The following AFF4 variants were observed in gnomAD, a reference collection of about 807,000 sequenced individuals.
AFF4 encodes the protein ALF transcription elongation factor 4.
In AFF4, 13 loss-of-function variants were observed where a neutral mutation model predicts 124.8. The observed-to-expected ratio is 0.10, with a 90% CI of 0.07 to 0.17. AFF4 has a LOEUF of 0.17. AFF4 is among the 10% of genes least tolerant of loss of function. The pLI is 1.00. For synonymous variants in AFF4, 477 were observed against 496.1 expected (o/e 0.96, Z 0.51); for missense variants, 1,092 against 1,403.8 (o/e 0.78, Z 3.55).
At chr5:132,936,926 C>G in intron 2 of AFF4, 141 bp downstream of exon 2, 1 of 1,130,920 alleles carries the variant, frequency 8.8e-7, no homozygotes, top group African/African-American at 1.6e-5. Flanking sequence ...CAAAAAATAT[C>G]TTCTATGTAA....
intron 1 of AFF4, among the ~76,000 whole-genome samples, chr5:132,944,262 A>G (rs978860772): frequency 1.3e-5 from 2 of 151,902 alleles, no homozygotes; most frequent in African/African-American, 4.8e-5. Flanking sequence ...GCGTGAACCC[A>G]GGAGGCGGAG....
chr5:132,938,814 G>A (rs1164946945), intron 1 of AFF4, among the ~76,000 whole-genome samples: 1 of 151,268 alleles, frequency 6.6e-6, no homozygotes, highest in Non-Finnish European at 1.5e-5. Flanking sequence ...GCAGTGGCAG[G>A]CGCCTGTAGT....
intron 13 of AFF4, among the ~76,000 whole-genome samples, chr5:132,889,970 T>A (rs1018623381): frequency 1.3e-5 from 2 of 152,104 alleles, no homozygotes; most frequent in Non-Finnish European, 2.9e-5. Context: ...TATAGCCCTT[T>A]ATGAAAGAGC....
At chr5:132,920,175 G>A (rs1761010292) in intron 5 of AFF4, among the ~76,000 whole-genome samples, 1 of 151,424 alleles carries the variant, frequency 6.6e-6, no homozygotes, top group African/African-American at 2.4e-5. Context: ...TCAGTCTCCC[G>A]AGTAGCTGGG....
At position 132,878,278 on chromosome 5, in the gene AFF4, A is replaced by T. The variant is rs531224152; in HGVS notation, c.*2781T>A. 67 of 230,122 alleles carry T rather than the reference A, an allele frequency of 2.9e-4. No homozygotes were observed. The highest frequency in any genetic ancestry group is 1.9e-3 in the Admixed American group (33 of 17,714). The allele number at this position is 230,122 out of a possible 1,614,324, so 14.3% of individuals were successfully genotyped here. A position where few individuals can be genotyped will look rare whatever the true frequency, so the allele number is the denominator to read the frequency against. ...GCAATTGGTTCGTTGGTTGCTTGTAAAGAGTCTAATGGTGTATAGGCTGCT... is the reference window on the plus strand; with the variant it reads ...GCAATTGGTTCGTTGGTTGCTTGTATAGAGTCTAATGGTGTATAGGCTGCT... On this transcript the variant is annotated 3_prime_UTR_variant, in exon 21 of 21. Coordinates refer to ENST00000265343, the MANE Select transcript of AFF4 (RefSeq NM_014423.4).
intron 15 of AFF4, 33 bp from the exon 16 acceptor site, chr5:132,888,015 G>A (rs1561480210): frequency 4.3e-6 from 7 of 1,611,488 alleles, no homozygotes; most frequent in Non-Finnish European, 5.9e-6. Context: ...AATGAGTAAT[G>A]ATCTACTATG....
At chr5:132,910,068 AC>A (rs1760758218) in intron 5 of AFF4, among the ~76,000 whole-genome samples, 1 of 152,244 alleles carries the variant, frequency 6.6e-6, no homozygotes, top group South Asian at 2.1e-4. Context: ...GATTTCTACA[AC>A]CAAATGTTTG....
In AFF4 at chr5:132,887,532, G is replaced by A. The variant is rs1255544309; in HGVS notation, c.2994C>T (p.Leu998=). Residue 998 remains leucine, a synonymous_variant, in exon 17 of 21, where the codon CTC becomes CTT. Coordinates refer to ENST00000265343, the MANE Select transcript of AFF4 (RefSeq NM_014423.4). ...APDATAADKR[L]TVLCLRCESL... ...CACAGAAAACTCACCAAAGTACTGT[G>A]AGTCGTTTATCTGCAGCTGTAGCAT... is the stretch of plus-strand genomic sequence containing the variant. The A allele has an allele frequency of 6.2e-7, 1 of 1,613,710 alleles. No individual in the cohort carries two copies. The highest frequency in any genetic ancestry group is 8.5e-7 in the Non-Finnish European group (1 of 1,179,774).
intron 5 of AFF4, among the ~76,000 whole-genome samples, chr5:132,917,325 C>T (rs1045023204): frequency 6.6e-6 from 1 of 152,142 alleles, no homozygotes; most frequent in Non-Finnish European, 1.5e-5. Flanking sequence ...AAATTCATTC[C>T]TAATGAGAAC....
chr5:132,923,995 C>T (rs1249542128), intron 5 of AFF4, among the ~76,000 whole-genome samples: 1 of 152,190 alleles, frequency 6.6e-6, no homozygotes, highest in East Asian at 1.9e-4. Flanking sequence ...GTGGCTCACG[C>T]CTGTGATCCC....
At chr5:132,960,995 G>C (rs1388053068) in intron 1 of AFF4, among the ~76,000 whole-genome samples, 1 of 152,078 alleles carries the variant, frequency 6.6e-6, no homozygotes. Flanking sequence ...AGGCCGAGGC[G>C]TGTGGATCAC....
At chr5:132,899,735 C>A in intron 7 of AFF4, 94 bp from the exon 8 acceptor site, 2 of 1,091,078 alleles carry the variant, frequency 1.8e-6, no homozygotes, top group Non-Finnish European at 2.6e-6. Flanking sequence ...GAAATAATCA[C>A]TGTGGTAGCC....
At chr5:132,912,860 C>T (rs1760825508) in intron 5 of AFF4, among the ~76,000 whole-genome samples, 1 of 148,868 alleles carries the variant, frequency 6.7e-6, no homozygotes, top group African/African-American at 2.4e-5. Flanking sequence ...ACACAACACA[C>T]ACACACACAC....
At chr5:132,906,715 A>G (rs542929912) in intron 5 of AFF4, among the ~76,000 whole-genome samples, 1 of 152,328 alleles carries the variant, frequency 6.6e-6, no homozygotes, top group Non-Finnish European at 1.5e-5. Context: ...TAGGTGAATT[A>G]CATGGTAAGT....
At chr5:132,915,421 C>A (rs1180082600) in intron 5 of AFF4, among the ~76,000 whole-genome samples, 15 of 152,006 alleles carry the variant, frequency 9.9e-5, no homozygotes, top group Admixed American at 9.2e-4. Flanking sequence ...ATTTCCCAAT[C>A]CATTCTATAA....
intron 7 of AFF4, 78 bp from the exon 8 acceptor site, chr5:132,899,719 AT>A: frequency 7.6e-7 from 1 of 1,315,182 alleles, no homozygotes; most frequent in South Asian, 1.3e-5. Flanking sequence ...TCTACTAAAA[AT>A]TCTAGAAATA....
At chr5:132,961,627 A>G (rs993646349) in intron 1 of AFF4, among the ~76,000 whole-genome samples, 28 of 152,338 alleles carry the variant, frequency 1.8e-4, no homozygotes, top group Non-Finnish European at 3.7e-4. Flanking sequence ...GTGACTCAGA[A>G]CAAAAATATT....
chr5:132,948,356 C>T (rs1376316655), intron 1 of AFF4: 2 of 152,174 alleles, frequency 1.3e-5, no homozygotes, highest in African/African-American at 2.4e-5. Flanking sequence ...TTTCCCATTC[C>T]TCACAAGTAT....
chr5:132,931,320 T>TCAGGAGGCTGAGG (rs1761295885), intron 4 of AFF4, among the ~76,000 whole-genome samples: 1 of 151,986 alleles, frequency 6.6e-6, no homozygotes, highest in African/African-American at 2.4e-5. Context: ...TCCCAGCTAC[T>TCAGGAGGCTGAGG]CAGGAGGCTG....
Sources: allele counts gnomAD v4.1 joint callset (sites outside exome capture counted in the v4.1 genomes callset), GRCh38; gene constraint gnomAD v4.1.1; transcripts MANE v1.5; gene names NCBI Gene and HGNC (gene_info 2026-07-23, HGNC 2026-07-21).